The following TCOF1 variants were observed in gnomAD, a reference collection of about 807,000 sequenced individuals.
TCOF1 encodes the protein treacle ribosome biogenesis factor 1, also known as treacle protein.
Under a neutral mutation model 149.0 loss-of-function variants are expected in TCOF1, and 33 were observed. The observed-to-expected ratio is 0.22, with a 90% CI of 0.17 to 0.30. TCOF1 has a LOEUF of 0.30. Ranked by LOEUF, TCOF1 falls within the 10% of genes least tolerant of loss-of-function variation. The pLI is 1.00. For missense variants in TCOF1, 1,728 were observed against 1,840.7 expected (o/e 0.94, Z 1.12); for synonymous variants, 789 against 738.8 (o/e 1.07, Z -1.10).
intron 2 of TCOF1, 75 bp downstream of exon 2, chr5:150,361,286 C>T (rs1252218034): frequency 1.3e-6 from 2 of 1,557,466 alleles, no homozygotes; most frequent in East Asian, 4.5e-5. Flanking sequence ...GCTGGGATAC[C>T]TATCTGGTCT....
Position 150,367,004 on chromosome 5 carries a change from C to G in TCOF1, c.305-840C>G, listed in dbSNP as rs112006004. 5.3e-5 allele frequency among the ~76,000 whole-genome samples: 8 copies of G among 151,920 alleles called. No individual in the cohort carries two copies. In the South Asian group the frequency reaches 1.2e-3, roughly 24 times the overall value. On this transcript the variant is annotated intron_variant, in intron 3 of 26. Transcript: ENST00000643257. ...ATCTGAGATTTAAGGAGACAATACC[C>G]TGGTATAAAAGCACTGAGAAGCTGG...
intron 21 of TCOF1, 163 bp from the exon 22 acceptor site, chr5:150,392,542 A>T: frequency 1.4e-6 from 1 of 693,234 alleles, no homozygotes; most frequent in South Asian, 1.6e-5. Context: ...ACTAGCGATA[A>T]GTGTGCAAGG....
At chr5:150,370,016 G>T (rs1762182821) in intron 6 of TCOF1, among the ~76,000 whole-genome samples, 1 of 152,158 alleles carries the variant, frequency 6.6e-6, no homozygotes, top group Admixed American at 6.5e-5. Flanking sequence ...CTGCTGAGAG[G>T]GTTCTGGGCC....
At position 150,392,551 on chromosome 5, in the gene TCOF1, G is replaced by A; in HGVS notation, c.3518-154G>A. The stretch of plus-strand genomic sequence containing the variant: ...GCTGTGACTAGCGATAAGTGTGCAA[G>A]GAGTGTTGAAGCAGTAGGAAGACTT... On this transcript the variant is annotated intron_variant, in intron 21 of 26. Coordinates refer to ENST00000643257, the MANE Select transcript of TCOF1 (RefSeq NM_001371623.1). The A allele has an allele frequency of 4.2e-6, 3 of 722,710 alleles. No homozygotes were observed. The South Asian group carries it at 4.6e-5, about 11-fold the overall frequency. 44.8% of individuals were successfully genotyped at this position (722,710 alleles called of 1,614,324 possible).
chr5:150,369,280 A>T (rs1331284473), intron 5 of TCOF1, among the ~76,000 whole-genome samples: 1 of 152,362 alleles, frequency 6.6e-6, no homozygotes, highest in East Asian at 1.9e-4. Context: ...GTAGACTGTC[A>T]GGTGCTGGTG....
chr5:150,390,216 G>A (rs373725866), intron 19 of TCOF1, among the ~76,000 whole-genome samples, 193 bp downstream of exon 19: 72 of 152,378 alleles, frequency 4.7e-4, no homozygotes, highest in African/African-American at 1.5e-3. Flanking sequence ...ATGAGGAAGA[G>A]TAATCTGGGG....
intron 26 of TCOF1, among the ~76,000 whole-genome samples, chr5:150,399,546 C>T (rs952423482): frequency 3.3e-5 from 5 of 152,020 alleles, no homozygotes; most frequent in Admixed American, 2.6e-4. Flanking sequence ...TTAGCTGCTC[C>T]ACCTGGCTCT....
In TCOF1 at chr5:150,379,218, C is replaced by G; in HGVS notation, c.2479-11C>G. On this transcript the variant is annotated splice_polypyrimidine_tract_variant and intron_variant, in intron 15 of 26. Coordinates refer to ENST00000643257, the MANE Select transcript of TCOF1 (RefSeq NM_001371623.1). ...TTTTGCCTCCAATACTATTATCCCC[C>G]TGCAATTCAGGTGAAGCCACCAGTG... is the stretch of plus-strand genomic sequence containing the variant. The G allele has an allele frequency of 6.2e-7, 1 of 1,614,192 alleles. No homozygotes were observed. Among genetic ancestry groups the G allele is most frequent in the Non-Finnish European group, 8.5e-7 (1 of 1,180,040 alleles).
intron 1 of TCOF1, 90 bp downstream of exon 1, chr5:150,357,944 C>A (rs1759016966): frequency 1.0e-5 from 14 of 1,403,706 alleles, no homozygotes; most frequent in Non-Finnish European, 1.4e-5. Flanking sequence ...GGCGACCCGG[C>A]AGGCGCCCGG....
chr5:150,377,433 G>C (rs1764060759), intron 14 of TCOF1, among the ~76,000 whole-genome samples: 1 of 152,200 alleles, frequency 6.6e-6, no homozygotes, highest in Non-Finnish European at 1.5e-5. Context: ...GAACAGATCA[G>C]GAGTGAGGTC....
intron 15 of TCOF1, 88 bp downstream of exon 15, chr5:150,379,130 G>C: frequency 6.2e-7 from 1 of 1,613,906 alleles, no homozygotes; most frequent in Non-Finnish European, 8.5e-7. Flanking sequence ...GAAGGTGCGT[G>C]CATGGGCAGG....
rs1406322222 is a variant in TCOF1, at chr5:150,383,151, G to A, written c.2859+3419G>A. On this transcript the variant is annotated intron_variant, in intron 17 of 26. Transcript: ENST00000643257. ...CGGAGGGGTCCTCGGAGAGCAGTGA[G>A]GAAGAGCTGCCACTGACCCAGGTGC... The A allele has an allele frequency of 3.3e-6, 5 of 1,535,876 alleles. No homozygotes were observed. The South Asian group carries it at 5.9e-5, about 18-fold the overall frequency.
intron 14 of TCOF1, among the ~76,000 whole-genome samples, chr5:150,378,028 C>T (rs1404090681): frequency 1.3e-5 from 2 of 152,188 alleles, no homozygotes; most frequent in Non-Finnish European, 2.9e-5. Flanking sequence ...GAAAACATGG[C>T]TCCCCTCTGG....
chr5:150,383,290 C>G (rs1263959106), intron 17 of TCOF1: 21 of 816,990 alleles, frequency 2.6e-5, no homozygotes, highest in Middle Eastern at 3.6e-4. Context: ...CAGCACCTCA[C>G]AGCTTCCAGA....
chr5:150,362,352 T>TA (rs1050164631), intron 2 of TCOF1, among the ~76,000 whole-genome samples: 3 of 152,234 alleles, frequency 2.0e-5, no homozygotes, highest in African/African-American at 7.2e-5. Context: ...CACAGCTGAC[T>TA]AAGGGAGTGA....
At chr5:150,393,168 AG>A in intron 22 of TCOF1, 1 of 631,882 alleles carries the variant, frequency 1.6e-6, no homozygotes, top group Non-Finnish European at 2.8e-6. Context: ...CTGTCTAGAA[AG>A]TGTATTAATT....
intron 3 of TCOF1, among the ~76,000 whole-genome samples, chr5:150,365,253 CTTT>C (rs991524826): frequency 5.2e-5 from 6 of 116,490 alleles, no homozygotes; most frequent in Non-Finnish European, 9.2e-5. Context: ...CTTTTTCTTT[CTTT>C]TTTTTTTTTT....
At chr5:150,378,631 T>C in intron 14 of TCOF1, 1 of 489,686 alleles carries the variant, frequency 2.0e-6, no homozygotes, top group Non-Finnish European at 3.7e-6. Flanking sequence ...GCACAATGAG[T>C]TTGAGTGTTT....
At chr5:150,388,176 A>T in intron 18 of TCOF1, 88 bp downstream of exon 18, 1 of 1,570,468 alleles carries the variant, frequency 6.4e-7, no homozygotes, top group Non-Finnish European at 8.7e-7. Flanking sequence ...TGGCTGAGTC[A>T]CATAGCAAGG....
Sources: gnomAD v4.1 joint callset for allele counts (sites outside exome capture counted in the v4.1 genomes callset) on GRCh38, gnomAD v4.1.1 for gene constraint, MANE v1.5 for transcripts, NCBI Gene and HGNC (gene_info 2026-07-23, HGNC 2026-07-21) for gene names.